Variants in GRIK2 observed in about 807,000 individuals in gnomAD.
The protein encoded by GRIK2 is glutamate receptor ionotropic, kainate 2.
Under a neutral mutation model 100.3 loss-of-function variants are expected in GRIK2, and 32 were observed. That is an observed-to-expected ratio of 0.32 (90% CI 0.24 to 0.43). The LOEUF is 0.43. GRIK2 is among the 20% of genes least tolerant of loss of function. GRIK2 has a pLI of 1.00. For missense variants in GRIK2, 843 were observed against 1,114.9 expected (o/e 0.76, Z 3.47); for synonymous variants, 417 against 389.4 (o/e 1.07, Z -0.83).
At chr6:101,618,736 G>T (rs955293356) in intron 2 of GRIK2, among the ~76,000 whole-genome samples, 2 of 151,260 alleles carry the variant, frequency 1.3e-5, no homozygotes. Flanking sequence ...TTCAATTTTG[G>T]TATTTTCATT....
At chr6:102,054,693 C>T (rs373243491) in intron 15 of GRIK2, among the ~76,000 whole-genome samples, 206 of 152,114 alleles carry the variant, frequency 1.4e-3, no homozygotes, top group Non-Finnish European at 2.4e-3. Flanking sequence ...AAAGGAACAA[C>T]GCCCCAAATG....
intron 15 of GRIK2, among the ~76,000 whole-genome samples, chr6:102,036,483 A>G (rs1315680817): frequency 1.3e-5 from 2 of 151,346 alleles, no homozygotes; most frequent in Non-Finnish European, 3.0e-5. Flanking sequence ...TGGATTAACC[A>G]GGTGCGTCCA....
chr6:101,903,988 G>A (rs188424654), intron 12 of GRIK2, among the ~76,000 whole-genome samples: 1 of 151,292 alleles, frequency 6.6e-6, no homozygotes, highest in African/African-American at 2.4e-5. Flanking sequence ...CAAATTAAAG[G>A]CTCTGAAAAT....
intron 10 of GRIK2, among the ~76,000 whole-genome samples, chr6:101,846,112 CTT>C (rs1783797248): frequency 6.6e-6 from 1 of 151,502 alleles, no homozygotes; most frequent in African/African-American, 2.4e-5. Flanking sequence ...TTTAGTTTGT[CTT>C]TTCATTTGTT....
In GRIK2 at chr6:101,436,166, T is replaced by G. The variant is rs529622160; in HGVS notation, c.115+36774T>G. 3.2e-4 allele frequency among the ~76,000 whole-genome samples: 49 copies of G among 152,254 alleles called. 1 individual carries two copies. The highest frequency in any genetic ancestry group is 3.7e-4 in the Non-Finnish European group (25 of 68,006). Reference sequence around the variant, plus strand: ...TCAGGATTAAAATATTTGAATAAGTTGATGTACATGTGTATATACTTAAAT... The same window carrying G: ...TCAGGATTAAAATATTTGAATAAGTGGATGTACATGTGTATATACTTAAAT... On this transcript the variant is annotated intron_variant, in intron 2 of 16. Coordinates refer to ENST00000369134, the MANE Select transcript of GRIK2 (RefSeq NM_021956.5).
intron 14 of GRIK2, among the ~76,000 whole-genome samples, chr6:101,959,151 A>T (rs1214983698): frequency 1.3e-5 from 2 of 152,086 alleles, no homozygotes; most frequent in Non-Finnish European, 2.9e-5. Flanking sequence ...ATTTTATAGT[A>T]AAATTTATAC....
chr6:102,015,699 A>G (rs1795800122), intron 14 of GRIK2, among the ~76,000 whole-genome samples: 1 of 152,182 alleles, frequency 6.6e-6, no homozygotes, highest in Admixed American at 6.5e-5. Flanking sequence ...ATGAGTATGG[A>G]TCCCACTGCC....
chr6:101,956,058 T>C (rs1791917946), intron 14 of GRIK2, among the ~76,000 whole-genome samples: 1 of 152,166 alleles, frequency 6.6e-6, no homozygotes, highest in Non-Finnish European at 1.5e-5. Flanking sequence ...TAAGCACTGC[T>C]TTAACTTCAT....
chr6:102,001,672 G>T (rs190081223), intron 14 of GRIK2, among the ~76,000 whole-genome samples: 1 of 152,098 alleles, frequency 6.6e-6, no homozygotes, highest in African/African-American at 2.4e-5. Flanking sequence ...TGAAGTACTG[G>T]ATTTGAATCT....
chr6:101,441,698 T>C (rs1403651238), intron 2 of GRIK2, among the ~76,000 whole-genome samples: 2 of 152,006 alleles, frequency 1.3e-5, no homozygotes, highest in African/African-American at 2.4e-5. Context: ...TGAGTAAACA[T>C]GTATGGGGTT....
intron 9 of GRIK2, among the ~76,000 whole-genome samples, chr6:101,806,428 T>C (rs1266506364): frequency 6.6e-6 from 1 of 152,052 alleles, no homozygotes; most frequent in Middle Eastern, 3.2e-3. Context: ...CAAGCCTCTC[T>C]CTTCAATTCT....
chr6:101,888,550 G>A (rs564233192), intron 11 of GRIK2, among the ~76,000 whole-genome samples: 3 of 151,776 alleles, frequency 2.0e-5, no homozygotes, highest in Admixed American at 6.6e-5. Flanking sequence ...ATCTTTCTCC[G>A]TAGCCCCTCT....
intron 4 of GRIK2, among the ~76,000 whole-genome samples, chr6:101,664,180 C>T (rs1272644685): frequency 6.6e-6 from 1 of 152,156 alleles, no homozygotes; most frequent in Non-Finnish European, 1.5e-5. Flanking sequence ...ATAGTCCTGA[C>T]AAATACAACT....
At chr6:101,531,534 T>C (rs1775444102) in intron 2 of GRIK2, among the ~76,000 whole-genome samples, 1 of 151,896 alleles carries the variant, frequency 6.6e-6, no homozygotes, top group East Asian at 1.9e-4. Context: ...AGAACCTCCT[T>C]CTCCTGCTTG....
intron 7 of GRIK2, among the ~76,000 whole-genome samples, chr6:101,796,757 A>G (rs1318276430): frequency 1.3e-5 from 2 of 152,100 alleles, no homozygotes; most frequent in Non-Finnish European, 2.9e-5. Flanking sequence ...TTTTGCCCAG[A>G]CTGGGCTCAA....
At chr6:101,882,862 A>T (rs1214013752) in intron 11 of GRIK2, among the ~76,000 whole-genome samples, 3 of 152,104 alleles carry the variant, frequency 2.0e-5, no homozygotes, top group Non-Finnish European at 4.4e-5. Context: ...ATACCTAGTG[A>T]GTGCTGACAT....
At chr6:101,755,042 C>T (rs949350844) in intron 7 of GRIK2, among the ~76,000 whole-genome samples, 1 of 152,014 alleles carries the variant, frequency 6.6e-6, no homozygotes, top group African/African-American at 2.4e-5. Context: ...ATGGCCGACA[C>T]CAACAGGTTG....
At chr6:101,430,477 C>T (rs781646763) in intron 2 of GRIK2, 9 of 213,126 alleles carry the variant, frequency 4.2e-5, no homozygotes, top group South Asian at 1.7e-4. Flanking sequence ...TGATCCACAC[C>T]GAGTATTTGA....
chr6:101,658,164 T>C (rs77299584), intron 4 of GRIK2, among the ~76,000 whole-genome samples: 420 of 152,256 alleles, frequency 2.8e-3, no homozygotes, highest in African/African-American at 9.8e-3. Flanking sequence ...CATCAACCCA[T>C]TGTCTACATG....
Sources: gnomAD v4.1 joint callset for allele counts (sites outside exome capture counted in the v4.1 genomes callset) on GRCh38, gnomAD v4.1.1 for gene constraint, MANE v1.5 for transcripts, NCBI Gene and HGNC (gene_info 2026-07-23, HGNC 2026-07-21) for gene names.